Variants in NBAS observed in about 807,000 individuals in gnomAD.
NBAS encodes NBAS subunit of NRZ tethering complex, also known as NAG/BC035112 fusion.
In NBAS, 219 loss-of-function variants were observed where a neutral mutation model predicts 302.5. The observed-to-expected ratio is 0.72, with a 90% CI of 0.65 to 0.81. NBAS has a LOEUF of 0.81. NBAS is among the 30% of genes least tolerant of loss of function. The pLI is 0.00. For synonymous variants in NBAS, 1,118 were observed against 1,021.6 expected, an observed-to-expected ratio of 1.09 and a Z score of -1.80; for missense variants, 2,932 against 2,841.6, an observed-to-expected ratio of 1.03 and a Z score of -0.72.
chr2:15,004,971 C>T, the NBAS span, among the ~76,000 whole-genome samples: 1 of 152,116 alleles, frequency 6.6e-6, no homozygotes, highest in African/African-American at 2.4e-5. Context: ...GGAGAACTTC[C>T]TGCCAGGAGT....
intron 12 of NBAS, among the ~76,000 whole-genome samples, chr2:15,480,483 G>C (rs1179932875): frequency 2.0e-5 from 3 of 151,984 alleles, no homozygotes; most frequent in Non-Finnish European, 4.4e-5. Flanking sequence ...CCTACACAAA[G>C]AGAGGTATAG....
At chr2:15,199,923 A>G (rs953919259) in intron 48 of NBAS, among the ~76,000 whole-genome samples, 1 of 137,010 alleles carries the variant, frequency 7.3e-6, no homozygotes, top group African/African-American at 2.8e-5. Flanking sequence ...TTTTTTTGAG[A>G]CAGGGTCTTA....
the NBAS span, among the ~76,000 whole-genome samples, chr2:14,825,646 G>GA: frequency 0.011 from 1,659 of 150,616 alleles, 32 homozygotes; most frequent in African/African-American, 0.037. Flanking sequence ...ATTTGGGGAA[G>GA]AAAAAAAAAT....
chr2:15,248,397 T>C (rs531464961), intron 44 of NBAS, among the ~76,000 whole-genome samples: 1 of 151,968 alleles, frequency 6.6e-6, no homozygotes, highest in African/African-American at 2.4e-5. Context: ...AAAAGAATTA[T>C]TGAGAAGCAA....
chr2:15,219,780 G>C (rs1230799789), intron 47 of NBAS, among the ~76,000 whole-genome samples: 1 of 136,962 alleles, frequency 7.3e-6, no homozygotes, highest in African/African-American at 2.7e-5. Flanking sequence ...CACCCTTCCC[G>C]CCTTTCTATT....
At chr2:14,990,464 C>T in the NBAS span, among the ~76,000 whole-genome samples, 3 of 151,820 alleles carry the variant, frequency 2.0e-5, no homozygotes, top group East Asian at 5.8e-4. Flanking sequence ...ACTTTTTATG[C>T]CACTGAAAAT....
chr2:15,400,020 A>C (rs998662465), intron 26 of NBAS, among the ~76,000 whole-genome samples: 8 of 152,198 alleles, frequency 5.3e-5, no homozygotes, highest in Non-Finnish European at 1.0e-4. Flanking sequence ...CCTCCCAGGC[A>C]ATCTTTGACA....
rs188295209 is a variant in NBAS at position 15,357,596 on chromosome 2, C to T, written c.3818-1180G>A. ...CCCAGGCTGGTCTTAAACTCCTGGG[C>T]TCAAGTGATCCCCATGCCTCAGCCT... On this transcript the variant is annotated intron_variant, in intron 32 of 51. Coordinates refer to ENST00000281513, the MANE Select transcript of NBAS (RefSeq NM_015909.4). Among the ~76,000 whole-genome samples, 313 of 152,226 alleles carry T rather than the reference C, an allele frequency of 2.1e-3. 1 individual carries two copies. Among genetic ancestry groups the T allele is most frequent in the African/African-American group, 7.3e-3 (305 of 41,522 alleles).
chr2:15,173,735 A>C (rs1664404539), intron 51 of NBAS, among the ~76,000 whole-genome samples: 1 of 152,182 alleles, frequency 6.6e-6, no homozygotes, highest in South Asian at 2.1e-4. Flanking sequence ...ACAATCTTTG[A>C]AAATCCAAGC....
chr2:15,221,979 G>A (rs1572475679), intron 47 of NBAS, among the ~76,000 whole-genome samples: 1 of 152,314 alleles, frequency 6.6e-6, no homozygotes, highest in Non-Finnish European at 1.5e-5. Flanking sequence ...TGACCAAGAA[G>A]TCACTCAATA....
chr2:14,926,296 A>G, the NBAS span, among the ~76,000 whole-genome samples: 1 of 152,056 alleles, frequency 6.6e-6, no homozygotes, highest in Non-Finnish European at 1.5e-5. Context: ...TCTATCACAC[A>G]CTTACTCTCC....
the NBAS span, among the ~76,000 whole-genome samples, chr2:14,850,069 C>T: frequency 5.1e-5 from 7 of 137,138 alleles, no homozygotes; most frequent in East Asian, 1.4e-3. Flanking sequence ...ATCAAATTCA[C>T]ACATAACAAT....
intron 38 of NBAS, among the ~76,000 whole-genome samples, chr2:15,314,231 C>T (rs997955507): frequency 1.3e-5 from 2 of 152,066 alleles, no homozygotes; most frequent in African/African-American, 2.4e-5. Flanking sequence ...TGGCATGCAC[C>T]GGTAGTCCCA....
At chr2:15,311,036 A>G (rs1464171888) in intron 38 of NBAS, among the ~76,000 whole-genome samples, 3 of 152,196 alleles carry the variant, frequency 2.0e-5, no homozygotes, top group Non-Finnish European at 2.9e-5. Context: ...CAGGTCCCCA[A>G]CTGATTGACT....
At chr2:15,468,656 A>C in intron 16 of NBAS, 123 bp from the exon 17 acceptor site, 1 of 1,133,642 alleles carries the variant, frequency 8.8e-7, no homozygotes, top group Non-Finnish European at 1.3e-6. Context: ...CCTTGGCCAT[A>C]GGGAGCTGCT....
chr2:15,340,045 G>A (rs1195449863), intron 35 of NBAS, among the ~76,000 whole-genome samples: 1 of 152,146 alleles, frequency 6.6e-6, no homozygotes, highest in Non-Finnish European at 1.5e-5. Context: ...GGAGAAAAGA[G>A]ACCATGGGTG....
the NBAS span, among the ~76,000 whole-genome samples, chr2:14,999,336 C>T: frequency 2.0e-5 from 3 of 151,990 alleles, no homozygotes; most frequent in South Asian, 2.1e-4. Flanking sequence ...ATAGAAGGAC[C>T]GCTTGAGCCT....
chr2:15,496,097 TACACACACACACAC>T (rs61047968), intron 11 of NBAS, among the ~76,000 whole-genome samples: 8 of 143,962 alleles, frequency 5.6e-5, no homozygotes, highest in Non-Finnish European at 9.2e-5. Flanking sequence ...CATATACAGA[TACACACACACACAC>T]ACACACACAC....
At chr2:15,343,923 C>T (rs1457839551) in intron 35 of NBAS, among the ~76,000 whole-genome samples, 1 of 127,548 alleles carries the variant, frequency 7.8e-6, no homozygotes, top group East Asian at 2.5e-4. Context: ...AACAAAAAGT[C>T]AAATATACAC....
Sources: allele counts gnomAD v4.1 joint callset (sites outside exome capture counted in the v4.1 genomes callset), GRCh38; gene constraint gnomAD v4.1.1; transcripts MANE v1.5; gene names NCBI Gene and HGNC (gene_info 2026-07-23, HGNC 2026-07-21).